The following LRP1B variants were observed in gnomAD, a reference collection of about 807,000 sequenced individuals.
LRP1B encodes the protein low-density lipoprotein receptor-related protein 1B.
In LRP1B, 217 loss-of-function variants were observed where a neutral mutation model predicts 556.6. That is an observed-to-expected ratio of 0.39 (90% confidence interval 0.35 to 0.44). The LOEUF (loss-of-function observed/expected upper bound fraction) is 0.44, where lower values mean the gene tolerates loss of function less well. Ranked by LOEUF, LRP1B falls within the 20% of genes least tolerant of loss-of-function variation. LRP1B has a pLI of 1.00. For missense variants in LRP1B, 5,053 were observed against 5,620.8 expected (o/e 0.90, Z 3.23); for synonymous variants, 2,047 against 1,865.8 (o/e 1.10, Z -2.50).
chr2:141,662,519 C>T (rs1168767061), intron 2 of LRP1B, among the ~76,000 whole-genome samples: 2 of 151,850 alleles, frequency 1.3e-5, no homozygotes, highest in Non-Finnish European at 2.9e-5. Flanking sequence ...GAAAAAAGCA[C>T]AAGCTGCAAT....
At chr2:140,666,695 A>G (rs1181816112) in intron 41 of LRP1B, among the ~76,000 whole-genome samples, 1 of 152,204 alleles carries the variant, frequency 6.6e-6, no homozygotes, top group Non-Finnish European at 1.5e-5. Context: ...ATTTTATTTC[A>G]AAATCTTGGC....
At chr2:141,080,180 G>T (rs1699889670) in intron 7 of LRP1B, among the ~76,000 whole-genome samples, 1 of 152,196 alleles carries the variant, frequency 6.6e-6, no homozygotes, top group African/African-American at 2.4e-5. Flanking sequence ...AATGGTGGGA[G>T]GATATGGCAA....
chr2:141,804,245 C>T (rs763587156), intron 2 of LRP1B, among the ~76,000 whole-genome samples: 79 of 152,218 alleles, frequency 5.2e-4, no homozygotes, highest in Non-Finnish European at 8.4e-4. Flanking sequence ...GTATACTCTG[C>T]TTTCCCTAAC....
At chr2:141,300,842 C>T (rs1686364430) in intron 3 of LRP1B, among the ~76,000 whole-genome samples, 1 of 152,114 alleles carries the variant, frequency 6.6e-6, no homozygotes, top group African/African-American at 2.4e-5. Context: ...ATAAATTACC[C>T]AGCTTCAGAT....
intron 3 of LRP1B, among the ~76,000 whole-genome samples, chr2:141,281,313 A>T (rs1442899440): frequency 6.6e-6 from 1 of 152,010 alleles, no homozygotes; most frequent in Non-Finnish European, 1.5e-5. Flanking sequence ...ACAAAAATGT[A>T]ATGATTGTAG....
At chr2:140,693,842 G>A (rs1686329944) in intron 41 of LRP1B, among the ~76,000 whole-genome samples, 2 of 152,140 alleles carry the variant, frequency 1.3e-5, no homozygotes, top group East Asian at 3.9e-4. Context: ...TGAGTAGCTG[G>A]AATTGCAGGC....
At chr2:141,249,409 CA>C (rs1488268557) in intron 4 of LRP1B, among the ~76,000 whole-genome samples, 2 of 152,030 alleles carry the variant, frequency 1.3e-5, no homozygotes, top group African/African-American at 4.8e-5. Flanking sequence ...TCAGCATGGC[CA>C]ACATGGCGAA....
chr2:140,883,051 T>G (rs1020062704), intron 25 of LRP1B, among the ~76,000 whole-genome samples: 1 of 152,110 alleles, frequency 6.6e-6, no homozygotes, highest in African/African-American at 2.4e-5. Context: ...TAAAAACAAC[T>G]GAAGGAGGAA....
chr2:141,736,394 C>T (rs187970053), intron 2 of LRP1B, among the ~76,000 whole-genome samples: 9 of 152,168 alleles, frequency 5.9e-5, no homozygotes, highest in East Asian at 5.8e-4. Flanking sequence ...TGAGGTCATT[C>T]GAGTTGACCC....
At chr2:140,551,789 A>G (rs1023282401) in intron 43 of LRP1B, among the ~76,000 whole-genome samples, 2 of 152,172 alleles carry the variant, frequency 1.3e-5, no homozygotes, top group Non-Finnish European at 2.9e-5. Flanking sequence ...CAGTATGTAC[A>G]AATGAAAGAC....
chr2:140,974,467 C>A (rs760756698), intron 18 of LRP1B, among the ~76,000 whole-genome samples: 90 of 152,140 alleles, frequency 5.9e-4, no homozygotes, highest in Non-Finnish European at 1.2e-3. Context: ...ATTTTCAGTG[C>A]TTCCGTCTCC....
chr2:140,799,060 GT>G (rs1401789252), intron 32 of LRP1B, among the ~76,000 whole-genome samples: 2 of 152,036 alleles, frequency 1.3e-5, no homozygotes, highest in African/African-American at 4.8e-5. Context: ...ACATATTAAA[GT>G]TTTTTTAAAT....
intron 3 of LRP1B, among the ~76,000 whole-genome samples, chr2:141,455,105 A>G (rs72848062): frequency 6.6e-6 from 1 of 152,104 alleles, no homozygotes; most frequent in African/African-American, 2.4e-5. Flanking sequence ...ACATGAATTT[A>G]AACTGTCTCT....
chr2:141,477,220 CTTAAA>C, intron 3 of LRP1B, among the ~76,000 whole-genome samples: 1 of 146,884 alleles, frequency 6.8e-6, no homozygotes, highest in Non-Finnish European at 1.5e-5. Context: ...GGTATAATTA[CTTAAA>C]TTATAGTCTA....
chr2:142,033,004 G>A (rs2105200230), intron 1 of LRP1B, among the ~76,000 whole-genome samples: 1 of 151,774 alleles, frequency 6.6e-6, no homozygotes, highest in Non-Finnish European at 1.5e-5. Flanking sequence ...TCTTCTAATG[G>A]CTACGCCACT....
At chr2:141,424,236 C>T (rs1680266164) in intron 3 of LRP1B, among the ~76,000 whole-genome samples, 1 of 151,858 alleles carries the variant, frequency 6.6e-6, no homozygotes, top group Admixed American at 6.6e-5. Flanking sequence ...GCCGCAGCCT[C>T]CAGAGTAGCT....
At chr2:142,043,300 T>C (rs975555976) in intron 1 of LRP1B, among the ~76,000 whole-genome samples, 19 of 151,760 alleles carry the variant, frequency 1.3e-4, no homozygotes, top group African/African-American at 4.6e-4. Flanking sequence ...GTGCATAGAA[T>C]AATTCCCACT....
intron 1 of LRP1B, among the ~76,000 whole-genome samples, chr2:141,930,059 C>G (rs1266802321): frequency 6.6e-6 from 1 of 151,716 alleles, no homozygotes; most frequent in African/African-American, 2.4e-5. Flanking sequence ...ATTTTATCTA[C>G]CAATTGCCCA....
At chr2:141,777,924 T>C (rs770729316) in intron 2 of LRP1B, among the ~76,000 whole-genome samples, 10 of 152,178 alleles carry the variant, frequency 6.6e-5, no homozygotes, top group Non-Finnish European at 1.2e-4. Flanking sequence ...AATCTATTCA[T>C]AGAGCATACA....
Sources: gnomAD v4.1 joint callset for allele counts (sites outside exome capture counted in the v4.1 genomes callset) on GRCh38, gnomAD v4.1.1 for gene constraint, MANE v1.5 for transcripts, NCBI Gene and HGNC (gene_info 2026-07-23, HGNC 2026-07-21) for gene names.